SEC16B: variants seen among roughly 807,000 people sequenced by gnomAD.
The protein encoded by SEC16B is SEC16 homolog B, endoplasmic reticulum export factor, also known as protein transport protein Sec16B.
In SEC16B, 115 loss-of-function variants were observed where a neutral mutation model predicts 141.8. The observed-to-expected ratio is 0.81, with a 90% CI of 0.70 to 0.95. The LOEUF (loss-of-function observed/expected upper bound fraction) is 0.95. Ranked by LOEUF, SEC16B falls within the 40% of genes least tolerant of loss-of-function variation. The probability of loss-of-function intolerance (pLI) is 0.00; values close to 1 mark genes in which losing one functional copy is unlikely to be tolerated. For missense variants in SEC16B, 1,291 were observed against 1,312.3 expected, an observed-to-expected ratio of 0.98 and a Z score of 0.25; for synonymous variants, 493 against 492.5, an observed-to-expected ratio of 1.00 and a Z score of -0.01.
At chr1:177,978,559 T>C (rs1654270434) in intron 1 of SEC16B, among the ~76,000 whole-genome samples, 1 of 151,782 alleles carries the variant, frequency 6.6e-6, no homozygotes, top group Admixed American at 6.6e-5. Flanking sequence ...AAAAAATTAA[T>C]TGGGCATGGT....
Position 177,958,336 on chromosome 1 carries a change from C to A in SEC16B, c.1161G>T (p.Glu387Asp), listed in dbSNP as rs1338832820. The change falls in exon 10 of 26, where the codon GAG (glutamate) becomes GAT (aspartate). Residue 387 changes from glutamate (E) to aspartate (D), a missense_variant. By Grantham distance (45) the Glu-to-Asp change is conservative. Around this residue, in one of 3 missense-constraint regions of SEC16B, gnomAD observed 681 missense variants for 675.5 expected, o/e 1.01. Coordinates refer to ENST00000308284, the MANE Select transcript of SEC16B (RefSeq NM_033127.4). ...GCTTCTTGCAGTCTTGCATTAGCAG[C>A]TCAGCGATGTCAGACCCCACCATGG... Reference protein sequence around the residue: ...NGSMVGSDIAELLMQDCKKLE... With the variant: ...NGSMVGSDIADLLMQDCKKLE... 3.7e-6 allele frequency: 6 copies of A among 1,602,586 alleles called. No homozygotes were observed. The highest frequency in any genetic ancestry group is 5.1e-6 in the Non-Finnish European group (6 of 1,174,578).
intron 12 of SEC16B, 55 bp downstream of exon 12, chr1:177,951,859 C>T: frequency 2.8e-6 from 4 of 1,433,634 alleles, no homozygotes; most frequent in Non-Finnish European, 3.9e-6. Context: ...GCAGTCCCCG[C>T]CCCCTCAAGC....
At chr1:177,940,763 GGA>G in intron 16 of SEC16B, 49 bp from the exon 17 acceptor site, 13 of 1,278,046 alleles carry the variant, frequency 1.0e-5, no homozygotes, top group Non-Finnish European at 1.3e-5. Flanking sequence ...AGAGAGGAGA[GGA>G]GAGAGAGGGA....
chr1:177,964,289 A>C lies in SEC16B; in HGVS notation c.534-10T>G. 7.5e-6 allele frequency: 12 copies of C among 1,604,612 alleles called. No homozygotes were observed. The highest frequency in any genetic ancestry group is 9.4e-6 in the Non-Finnish European group (11 of 1,172,904). On this transcript the variant is annotated splice_polypyrimidine_tract_variant and intron_variant, in intron 4 of 25. Transcript: ENST00000308284. ...GTTCCTACTGTTAGATCTGCAGCAA[A>C]ATGACAGGAGCAGTGAGCGGGGTCC... is the stretch of plus-strand genomic sequence containing the variant.
chr1:177,946,240 T>C, intron 14 of SEC16B, 180 bp downstream of exon 14: 2 of 664,210 alleles, frequency 3.0e-6, no homozygotes, highest in South Asian at 3.4e-5. Flanking sequence ...AATGCTGTAA[T>C]GTGGGGCCCA....
At chr1:177,968,210 A>C (rs2102006695) in intron 1 of SEC16B, among the ~76,000 whole-genome samples, 171 bp from the exon 2 acceptor site, 1 of 152,340 alleles carries the variant, frequency 6.6e-6, no homozygotes, top group African/African-American at 2.4e-5. Context: ...ACATGAAGCA[A>C]ATAACAGACT....
Position 177,936,406 on chromosome 1 carries a change from T to C in SEC16B, c.2504-41A>G, listed in dbSNP as rs374663250. 172 of 1,539,364 alleles carry C rather than the reference T, an allele frequency of 1.1e-4. 1 individual carries two copies. The South Asian group carries it at 1.9e-3, about 17-fold the overall frequency. On this transcript the variant is annotated intron_variant, in intron 19 of 25. Transcript: ENST00000308284. ...AAATGGAAATAGCAATTGGAAGTTG[T>C]GCTTTTCCCATCTATCCTGAAGAAG...
chr1:177,935,287 A>T (rs945285697), intron 20 of SEC16B, among the ~76,000 whole-genome samples: 2 of 151,862 alleles, frequency 1.3e-5, no homozygotes, highest in African/African-American at 4.9e-5. Context: ...AGCCCCTGTG[A>T]CAGGGTCTGG....
intron 3 of SEC16B, 48 bp downstream of exon 3, chr1:177,965,845 G>GC (rs1557990840): frequency 2.5e-6 from 3 of 1,216,804 alleles, no homozygotes; most frequent in Non-Finnish European, 3.5e-6. Flanking sequence ...TCTCAGACCA[G>GC]CTGCCCCATC....
upstream of SEC16B, among the ~76,000 whole-genome samples, chr1:177,975,150 G>C (rs150363604): frequency 1.8e-3 from 270 of 152,290 alleles, no homozygotes; most frequent in African/African-American, 6.2e-3. Flanking sequence ...AACTAAGAAC[G>C]TGTGCTCAGA....
upstream of SEC16B, among the ~76,000 whole-genome samples, chr1:177,972,777 C>T (rs1355394979): frequency 1.3e-5 from 2 of 152,078 alleles, no homozygotes; most frequent in African/African-American, 4.8e-5. Flanking sequence ...AACCTAACTC[C>T]CAATGTGATG....
chr1:177,969,738 T>C (rs1220098449), intron 1 of SEC16B, 146 bp downstream of exon 1: 2 of 152,208 alleles, frequency 1.3e-5, no homozygotes, highest in South Asian at 2.1e-4. Flanking sequence ...ATGAAGGAAT[T>C]ACATCTATGA....
Position 177,967,997 on chromosome 1 carries a change from T to C in SEC16B, c.-16A>G. Reference sequence around the variant, plus strand: ...AAAGTTCCATCCTTGACTCTCTGAATTTGTCCTGGGTTTTGAGTAAGTTGT... The same window carrying C: ...AAAGTTCCATCCTTGACTCTCTGAACTTGTCCTGGGTTTTGAGTAAGTTGT... On this transcript the variant is annotated 5_prime_UTR_variant, in exon 2 of 26. Transcript: ENST00000308284. The C allele has an allele frequency of 6.3e-7, 1 of 1,584,482 alleles. No homozygotes were observed. The highest frequency in any genetic ancestry group is 1.1e-5 in the South Asian group (1 of 88,868).
At chr1:177,950,045 T>C (rs573485770) in intron 12 of SEC16B, among the ~76,000 whole-genome samples, 1 of 152,058 alleles carries the variant, frequency 6.6e-6, no homozygotes, top group South Asian at 2.1e-4. Flanking sequence ...GCCATTCCAC[T>C]GAATTGTGAG....
chr1:177,977,111 TA>T (rs1231904816), intron 1 of SEC16B, among the ~76,000 whole-genome samples: 1 of 152,164 alleles, frequency 6.6e-6, no homozygotes, highest in Non-Finnish European at 1.5e-5. Flanking sequence ...CCTTAATTTT[TA>T]AGATGAAGCA....
chr1:177,966,333 C>T (rs1653517577), intron 2 of SEC16B, among the ~76,000 whole-genome samples: 1 of 152,112 alleles, frequency 6.6e-6, no homozygotes, highest in Non-Finnish European at 1.5e-5. Flanking sequence ...TTAGAAAACT[C>T]CATCCTGATA....
chr1:177,973,235 AT>A (rs1654031968), upstream of SEC16B: 1 of 152,208 alleles, frequency 6.6e-6, no homozygotes, highest in Non-Finnish European at 1.5e-5. Flanking sequence ...GAGCACTGTG[AT>A]TTAATGACTG....
At chr1:177,937,789 T>C (rs1239433258) in intron 18 of SEC16B, among the ~76,000 whole-genome samples, 1 of 152,140 alleles carries the variant, frequency 6.6e-6, no homozygotes, top group African/African-American at 2.4e-5. Flanking sequence ...GACTCCCTTT[T>C]GGCCAAGGGG....
intron 25 of SEC16B, 144 bp from the exon 26 acceptor site, chr1:177,930,073 C>A: frequency 1.4e-6 from 1 of 735,244 alleles, no homozygotes; most frequent in Non-Finnish European, 2.2e-6. Flanking sequence ...TACCTCCACC[C>A]AACCCTTCAC....
Sources: allele counts gnomAD v4.1 joint callset (sites outside exome capture counted in the v4.1 genomes callset), GRCh38; gene constraint gnomAD v4.1.1; regional missense constraint gnomAD v4.1.1; transcripts MANE v1.5; gene names NCBI Gene and HGNC (gene_info 2026-07-23, HGNC 2026-07-21).